The following CTNND2 variants were observed in gnomAD, a reference collection of about 807,000 sequenced individuals.
CTNND2 encodes catenin delta 2.
A neutral mutation model predicts 144.4 loss-of-function variants in CTNND2; 22 were observed. The ratio of observed to expected loss-of-function variants is 0.15; its 90% CI spans 0.11 to 0.22. The LOEUF (loss-of-function observed/expected upper bound fraction) is 0.22, where lower values mean the gene tolerates loss of function less well. Ranked by LOEUF, CTNND2 falls within the 10% of genes least tolerant of loss-of-function variation. The pLI is 1.00. For synonymous variants in CTNND2, 751 were observed against 695.6 expected, an observed-to-expected ratio of 1.08 and a Z score of -1.25; for missense variants, 1,353 against 1,618.8, an observed-to-expected ratio of 0.84 and a Z score of 2.82.
chr5:11,062,935 G>A (rs1011883922), intron 16 of CTNND2, among the ~76,000 whole-genome samples: 1 of 152,164 alleles, frequency 6.6e-6, no homozygotes, highest in African/African-American at 2.4e-5. Flanking sequence ...GCCAGTGTCT[G>A]GGTTAAGGAG....
intron 13 of CTNND2, among the ~76,000 whole-genome samples, chr5:11,116,188 A>G (rs948901997): frequency 1.3e-4 from 20 of 152,236 alleles, no homozygotes; most frequent in Non-Finnish European, 2.1e-4. Flanking sequence ...CAATTCTAAT[A>G]AAGAGTCAGA....
chr5:11,068,802 A>G (rs1747901707), intron 16 of CTNND2, among the ~76,000 whole-genome samples: 1 of 152,188 alleles, frequency 6.6e-6, no homozygotes, highest in Admixed American at 6.5e-5. Context: ...CTGTAGTCCC[A>G]GCTATGTGGG....
intron 12 of CTNND2, among the ~76,000 whole-genome samples, chr5:11,128,326 G>C (rs1754889198): frequency 6.6e-6 from 1 of 152,118 alleles, no homozygotes; most frequent in African/African-American, 2.4e-5. Flanking sequence ...TCAGTCTCAT[G>C]GCCATAAGGA....
intron 9 of CTNND2, among the ~76,000 whole-genome samples, chr5:11,256,001 T>G (rs1171384451): frequency 6.6e-6 from 1 of 152,210 alleles, no homozygotes; most frequent in Non-Finnish European, 1.5e-5. Flanking sequence ...CACGGGACTT[T>G]GTTCCAGAAC....
chr5:11,208,261 A>T (rs1462179113), intron 10 of CTNND2, among the ~76,000 whole-genome samples: 1 of 152,228 alleles, frequency 6.6e-6, no homozygotes, highest in Non-Finnish European at 1.5e-5. Context: ...TGTTATAAAG[A>T]TTTCCACTGG....
chr5:11,317,026 C>T (rs185212549), intron 9 of CTNND2, among the ~76,000 whole-genome samples: 1,679 of 152,216 alleles, frequency 0.011, 22 homozygotes, highest in South Asian at 0.049. Context: ...ACAGACACTT[C>T]TCAAAAGAAG....
chr5:11,834,727 G>T (rs1452099308), intron 1 of CTNND2, among the ~76,000 whole-genome samples: 1 of 152,142 alleles, frequency 6.6e-6, no homozygotes, highest in African/African-American at 2.4e-5. Context: ...CTACACTGAA[G>T]AAACTAGAAC....
chr5:11,721,702 T>A (rs1272239392), intron 2 of CTNND2, among the ~76,000 whole-genome samples: 1 of 152,236 alleles, frequency 6.6e-6, no homozygotes, highest in Non-Finnish European at 1.5e-5. Flanking sequence ...GCTGCATGCC[T>A]GGAGACTGCG....
At chr5:11,019,405 C>T (rs1741990865) in intron 17 of CTNND2, among the ~76,000 whole-genome samples, 1 of 152,084 alleles carries the variant, frequency 6.6e-6, no homozygotes, top group African/African-American at 2.4e-5. Flanking sequence ...ATATTCAGGT[C>T]GTGATAGTGT....
At chr5:11,722,604 G>A (rs1427317077) in intron 2 of CTNND2, among the ~76,000 whole-genome samples, 2 of 152,192 alleles carry the variant, frequency 1.3e-5, no homozygotes, top group African/African-American at 4.8e-5. Context: ...TACAATCATG[G>A]TAGAAGGGGA....
At chr5:11,041,096 T>C (rs1373257249) in intron 16 of CTNND2, among the ~76,000 whole-genome samples, 1 of 152,212 alleles carries the variant, frequency 6.6e-6, no homozygotes, top group Non-Finnish European at 1.5e-5. Flanking sequence ...ATAGCAGTAA[T>C]TCATTGATTA....
intron 1 of CTNND2, among the ~76,000 whole-genome samples, chr5:11,765,276 G>C (rs558889921): frequency 5.3e-5 from 8 of 152,310 alleles, no homozygotes; most frequent in African/African-American, 1.7e-4. Context: ...GGAACACACT[G>C]CTGGGCCAAA....
chr5:11,029,080 C>T (rs867266786), intron 16 of CTNND2, among the ~76,000 whole-genome samples: 8 of 152,136 alleles, frequency 5.3e-5, no homozygotes, highest in East Asian at 1.9e-4. Context: ...CTTCTGTTGA[C>T]GAAAAATTGG....
Position 11,551,940 on chromosome 5 carries a change from G to T in CTNND2, c.287+13004C>A, listed in dbSNP as rs980194246. Among the ~76,000 whole-genome samples the T allele has an allele frequency of 9.2e-5, 14 of 152,014 alleles. 1 individual carries two copies. The highest frequency in any genetic ancestry group is 2.4e-4 in the African/African-American group (10 of 41,386). ...GATAGAGATGAGGTTTTGCCGTGTT[G>T]CCCAGGCTGGTCTCGAACTCCTGGC... On this transcript the variant is annotated intron_variant, in intron 3 of 21. Coordinates refer to ENST00000304623, the MANE Select transcript of CTNND2 (RefSeq NM_001332.4).
chr5:11,653,322 G>A (rs1194794013), intron 2 of CTNND2, among the ~76,000 whole-genome samples: 1 of 151,996 alleles, frequency 6.6e-6, no homozygotes, highest in Non-Finnish European at 1.5e-5. Flanking sequence ...TTGAGAAAAT[G>A]CCATGCCCTA....
At chr5:11,612,070 C>CACT (rs10641879) in intron 2 of CTNND2, among the ~76,000 whole-genome samples, 73,902 of 151,606 alleles carry the variant, frequency 0.49, 18,856 homozygotes, top group Middle Eastern at 0.67. Flanking sequence ...ACCAAGCCTA[C>CACT]GTAATGGAAA....
chr5:11,828,440 G>C (rs1299660315), intron 1 of CTNND2, among the ~76,000 whole-genome samples: 2 of 152,148 alleles, frequency 1.3e-5, no homozygotes, highest in African/African-American at 4.8e-5. Context: ...TGAAGCAGGA[G>C]AATTGCCTGA....
At chr5:11,265,806 A>AG (rs1474392433) in intron 9 of CTNND2, among the ~76,000 whole-genome samples, 1 of 141,136 alleles carries the variant, frequency 7.1e-6, no homozygotes, top group African/African-American at 2.7e-5. Context: ...CCCAGGTCCC[A>AG]GTTCAAGCAA....
chr5:11,203,094 C>T (rs1474043639), intron 10 of CTNND2, among the ~76,000 whole-genome samples: 4 of 151,924 alleles, frequency 2.6e-5, no homozygotes, highest in African/African-American at 7.3e-5. Context: ...CATGAGCCAC[C>T]GCACCTGGCC....
Sources: allele counts gnomAD v4.1 joint callset (sites outside exome capture counted in the v4.1 genomes callset), GRCh38; gene constraint gnomAD v4.1.1; transcripts MANE v1.5; gene names NCBI Gene and HGNC (gene_info 2026-07-23, HGNC 2026-07-21).